Variants in KAT2B observed in about 807,000 individuals in gnomAD.
The protein encoded by KAT2B is lysine acetyltransferase 2B.
KAT2B carries 36 observed loss-of-function variants against 105.9 expected under a neutral mutation model. That is an observed-to-expected ratio of 0.34 (90% CI 0.26 to 0.45). The LOEUF is 0.45. KAT2B is among the 20% of genes least tolerant of loss of function. The pLI is 1.00. For synonymous variants in KAT2B, 397 were observed against 377.9 expected, an observed-to-expected ratio of 1.05 and a Z score of -0.59; for missense variants, 820 against 1,021.6, an observed-to-expected ratio of 0.80 and a Z score of 2.69.
chr3:20,087,100 A>G (rs773798395), intron 2 of KAT2B, among the ~76,000 whole-genome samples: 1 of 152,138 alleles, frequency 6.6e-6, no homozygotes, highest in Non-Finnish European at 1.5e-5. Flanking sequence ...AAAGGATACA[A>G]AATTACTGCT....
Position 20,127,594 on chromosome 3 carries a change from C to T in KAT2B, c.1749+45C>T, listed in dbSNP as rs369196715. The T allele has an allele frequency of 3.7e-5, 59 of 1,588,004 alleles. No individual in the cohort carries two copies. The African/African-American group carries it at 6.5e-4, about 17-fold the overall frequency. On this transcript the variant is annotated intron_variant, in intron 11 of 17. Coordinates refer to ENST00000263754, the MANE Select transcript of KAT2B (RefSeq NM_003884.5). ...CTTAGAAGAAGAGCAGAATGTGGGG[C>T]TTCTCACTAAGGCCTGCAGAGCTTG...
intron 17 of KAT2B, 79 bp from the exon 18 acceptor site, chr3:20,152,253 A>T: frequency 1.1e-6 from 1 of 922,720 alleles, no homozygotes; most frequent in Non-Finnish European, 1.6e-6. Context: ...AACAACATAG[A>T]TTCCTTTCCC....
intron 17 of KAT2B, 48 bp from the exon 18 acceptor site, chr3:20,152,284 G>GT: frequency 7.4e-7 from 1 of 1,346,630 alleles, no homozygotes; most frequent in Non-Finnish European, 1.0e-6. Context: ...TTGTCAGCTG[G>GT]TGTTTAAAGG....
chr3:20,146,562 T>A, intron 14 of KAT2B, 132 bp downstream of exon 14: 1 of 596,762 alleles, frequency 1.7e-6, no homozygotes, highest in Non-Finnish European at 3.0e-6. Context: ...TCTAGTCTTT[T>A]AAGAAGGCAG....
At chr3:20,069,256 AG>A (rs1022439583) in intron 1 of KAT2B, among the ~76,000 whole-genome samples, 123 of 152,288 alleles carry the variant, frequency 8.1e-4, no homozygotes, top group African/African-American at 2.9e-3. Flanking sequence ...GAGAAGACAA[AG>A]GAAAAGGACC....
At chr3:20,121,785 T>G (rs1699315762) in intron 8 of KAT2B, among the ~76,000 whole-genome samples, 1 of 141,910 alleles carries the variant, frequency 7.0e-6, no homozygotes. Flanking sequence ...TGTGTGTGTA[T>G]AGCCAAGCCC....
intron 12 of KAT2B, among the ~76,000 whole-genome samples, chr3:20,138,616 G>C (rs1026062616): frequency 5.3e-5 from 8 of 152,126 alleles, no homozygotes; most frequent in African/African-American, 1.7e-4. Flanking sequence ...ATAATAAATT[G>C]TGTATGTTTG....
chr3:20,132,205 T>A (rs1213994080), intron 11 of KAT2B, among the ~76,000 whole-genome samples: 1 of 152,056 alleles, frequency 6.6e-6, no homozygotes, highest in Admixed American at 6.6e-5. Context: ...TGAAACCCCA[T>A]CTCTACCAAA....
chr3:20,057,361 G>A (rs757858323), intron 1 of KAT2B, among the ~76,000 whole-genome samples: 1 of 152,168 alleles, frequency 6.6e-6, no homozygotes, highest in Non-Finnish European at 1.5e-5. Context: ...GGATGTGAGA[G>A]TCATCATCTC....
At chr3:20,085,714 C>T (rs2125190033) in intron 2 of KAT2B, among the ~76,000 whole-genome samples, 1 of 152,030 alleles carries the variant, frequency 6.6e-6, no homozygotes, top group African/African-American at 2.4e-5. Context: ...TTTTGCCACA[C>T]TAGCCAGGCT....
chr3:20,096,403 A>G (rs7641684), intron 3 of KAT2B, among the ~76,000 whole-genome samples: 24,618 of 151,982 alleles, frequency 0.16, 2,324 homozygotes, highest in South Asian at 0.35. Flanking sequence ...GTGGAAATGG[A>G]TAGCAAAACT....
chr3:20,129,253 G>A (rs1179432266), intron 11 of KAT2B, among the ~76,000 whole-genome samples: 1 of 151,944 alleles, frequency 6.6e-6, no homozygotes, highest in Non-Finnish European at 1.5e-5. Context: ...GGAATCCAGT[G>A]AGATTAATTT....
At chr3:20,076,972 A>G (rs945311984) in intron 2 of KAT2B, among the ~76,000 whole-genome samples, 3 of 152,174 alleles carry the variant, frequency 2.0e-5, no homozygotes, top group South Asian at 2.1e-4. Context: ...GATAGTATCA[A>G]TTCTATTGAT....
At chr3:20,083,867 A>G (rs1451273601) in intron 2 of KAT2B, among the ~76,000 whole-genome samples, 1 of 152,118 alleles carries the variant, frequency 6.6e-6, no homozygotes, top group East Asian at 1.9e-4. Flanking sequence ...GAGGAGGGCC[A>G]TGAGGAGTTC....
intron 6 of KAT2B, 39 bp from the exon 7 acceptor site, chr3:20,114,843 G>GTT: frequency 1.7e-6 from 2 of 1,148,094 alleles, no homozygotes; most frequent in Non-Finnish European, 2.6e-6. Flanking sequence ...CCTTACAGTA[G>GTT]TTTTTTTTTA....
chr3:20,130,225 G>A (rs920794769), intron 11 of KAT2B, among the ~76,000 whole-genome samples: 1 of 152,168 alleles, frequency 6.6e-6, no homozygotes, highest in Non-Finnish European at 1.5e-5. Flanking sequence ...CTAGCACTAA[G>A]CATCAAAGGG....
intron 11 of KAT2B, among the ~76,000 whole-genome samples, chr3:20,132,645 A>G (rs1192297729): frequency 6.6e-6 from 1 of 152,218 alleles, no homozygotes; most frequent in African/African-American, 2.4e-5. Context: ...CTAGTCACAA[A>G]TACTAGCTAG....
At chr3:20,048,686 T>C (rs1027162043) in intron 1 of KAT2B, among the ~76,000 whole-genome samples, 1 of 152,206 alleles carries the variant, frequency 6.6e-6, no homozygotes, top group Non-Finnish European at 1.5e-5. Flanking sequence ...TAGTCTGTCG[T>C]TAAGAGAAAA....
intron 11 of KAT2B, 148 bp downstream of exon 11, chr3:20,127,697 A>G (rs1238209256): frequency 2.8e-6 from 2 of 717,914 alleles, no homozygotes; most frequent in Non-Finnish European, 4.5e-6. Context: ...CTCTCACTCC[A>G]ATGGTCTCCA....
Sources: allele counts gnomAD v4.1 joint callset (sites outside exome capture counted in the v4.1 genomes callset), GRCh38; gene constraint gnomAD v4.1.1; transcripts MANE v1.5; gene names NCBI Gene and HGNC (gene_info 2026-07-23, HGNC 2026-07-21).